MASP1: variants seen among roughly 807,000 people sequenced by gnomAD.
MASP1 encodes the protein mannan-binding lectin serine protease 1.
MASP1 carries 59 observed loss-of-function variants against 77.1 expected under a neutral mutation model. That is an observed-to-expected ratio of 0.77 (90% CI 0.62 to 0.95). The LOEUF (loss-of-function observed/expected upper bound fraction) is 0.95. Among genes scored for constraint, MASP1 ranks in the 40% least tolerant of loss-of-function variants. The probability of loss-of-function intolerance (pLI) is 0.00; values close to 1 mark genes in which losing one functional copy is unlikely to be tolerated. For synonymous variants in MASP1, 362 were observed against 354.5 expected (o/e 1.02, Z -0.24); for missense variants, 885 against 912.9 (o/e 0.97, Z 0.39).
At chr3:187,250,873 G>A (rs1714515544) in intron 7 of MASP1, among the ~76,000 whole-genome samples, 1 of 152,228 alleles carries the variant, frequency 6.6e-6, no homozygotes, top group African/African-American at 2.4e-5. Context: ...TCAAGTGAGA[G>A]CTGGGAGGTG....
chr3:187,250,146 C>G, intron 8 of MASP1, 105 bp downstream of exon 8: 3 of 890,460 alleles, frequency 3.4e-6, no homozygotes, highest in South Asian at 1.3e-5. Flanking sequence ...GCTCCCATCC[C>G]CCTTAGAGTG....
At chr3:187,251,357 T>G in intron 7 of MASP1, 1 of 421,296 alleles carries the variant, frequency 2.4e-6, no homozygotes. Flanking sequence ...TCAGCCTTGA[T>G]TATAGAGCTG....
At chr3:187,268,122 C>T (rs568931880) in intron 2 of MASP1, among the ~76,000 whole-genome samples, 4 of 152,056 alleles carry the variant, frequency 2.6e-5, no homozygotes, top group Non-Finnish European at 5.9e-5. Flanking sequence ...TAAAACAGAC[C>T]ACTTGAATAA....
At chr3:187,241,397 T>A in intron 10 of MASP1, 84 bp downstream of exon 10, 1 of 1,061,920 alleles carries the variant, frequency 9.4e-7, no homozygotes, top group Non-Finnish European at 1.5e-6. Flanking sequence ...CTGTCCCCCA[T>A]CACCCTGTTA....
At chr3:187,222,140 A>G (rs754995421) in intron 14 of MASP1, among the ~76,000 whole-genome samples, 1 of 152,166 alleles carries the variant, frequency 6.6e-6, no homozygotes, top group Non-Finnish European at 1.5e-5. Context: ...CACCTGATTC[A>G]TCGTTCAGGT....
intron 13 of MASP1, among the ~76,000 whole-genome samples, chr3:187,223,722 A>G (rs1300276848): frequency 6.6e-6 from 1 of 152,190 alleles, no homozygotes; most frequent in East Asian, 1.9e-4. Flanking sequence ...GAAGTCTATG[A>G]AGTTGGTAAA....
At chr3:187,224,668 T>C (rs1193645018) in intron 13 of MASP1, among the ~76,000 whole-genome samples, 1 of 152,168 alleles carries the variant, frequency 6.6e-6, no homozygotes, top group Non-Finnish European at 1.5e-5. Context: ...TAAGCCATTG[T>C]CCCCCAGCTT....
chr3:187,225,450 T>C, exon 13 of MASP1: 1 of 1,613,396 alleles, frequency 6.2e-7, no homozygotes, highest in Non-Finnish European at 8.5e-7. Flanking sequence ...GGGTGGAGAG[T>C]GGTGTGTTTG....
rs766002258 is a variant in MASP1 at position 187,251,676 on chromosome 3, G to A, written c.969C>T (p.Asp323=). The A allele has an allele frequency of 2.2e-5, 35 of 1,614,086 alleles. No individual in the cohort carries two copies. The highest frequency in any genetic ancestry group is 2.8e-5 in the Non-Finnish European group (33 of 1,180,044). The change falls in exon 7 of 11, where the codon GAC becomes GAT. Residue 323 remains aspartate, a synonymous_variant. Coordinates refer to ENST00000296280, the MANE Select transcript of MASP1 (RefSeq NM_139125.4). The stretch of plus-strand genomic sequence containing the variant: ...CTGTGTCACAGCTGACGAGCACTTG[G>A]TCTTTGAAGAAATACTTGGCTTGGG... ...EPSQAKYFFK[D]QVLVSCDTGY...
chr3:187,236,919 C>T (rs898069999), intron 10 of MASP1, among the ~76,000 whole-genome samples: 4 of 152,188 alleles, frequency 2.6e-5, no homozygotes, highest in African/African-American at 9.6e-5. Flanking sequence ...TTCTCCCCTT[C>T]CTTCTCTAGA....
At chr3:187,226,171 C>T (rs1712413419) in intron 12 of MASP1, 3 of 542,624 alleles carry the variant, frequency 5.5e-6, no homozygotes, top group Non-Finnish European at 6.6e-6. Context: ...TATCTAGAGG[C>T]CTCCTCATTT....
At chr3:187,232,377 G>C (rs1712820879), downstream of MASP1, among the ~76,000 whole-genome samples, 1 of 151,978 alleles carries the variant, frequency 6.6e-6, no homozygotes, top group South Asian at 2.1e-4. Context: ...CCCATGTGCT[G>C]ATGAACTTCA....
chr3:187,250,519 A>T (rs1048733069), intron 7 of MASP1, among the ~76,000 whole-genome samples, 190 bp from the exon 8 acceptor site: 4 of 151,848 alleles, frequency 2.6e-5, no homozygotes, highest in African/African-American at 9.7e-5. Flanking sequence ...TCCTTTTCAT[A>T]CTCTGGAGAG....
chr3:187,223,889 T>G (rs1712218617), intron 13 of MASP1, among the ~76,000 whole-genome samples: 1 of 152,164 alleles, frequency 6.6e-6, no homozygotes, highest in African/African-American at 2.4e-5. Context: ...CTCGGGTGAG[T>G]CACCTCACCC....
At chr3:187,289,717 C>T (rs987247776) in intron 1 of MASP1, among the ~76,000 whole-genome samples, 2 of 152,198 alleles carry the variant, frequency 1.3e-5, no homozygotes, top group African/African-American at 4.8e-5. Flanking sequence ...TAGAATAATA[C>T]ACTTGGCTGA....
rs763689088 is a variant in MASP1, at chr3:187,241,556, C to T, written c.1229-1G>A. ...CCTTGGGCAGAACAGGTATATATAC[C>T]TGGATTAGTGAAAGAGGTTAGGAGA... is the stretch of plus-strand genomic sequence containing the variant. On this transcript the variant is annotated splice_acceptor_variant, in intron 9 of 10. Transcript: ENST00000296280. LOFTEE classifies it high-confidence loss of function. 3 of 1,608,528 alleles carry T rather than the reference C, an allele frequency of 1.9e-6. No individual in the cohort carries two copies. The highest frequency in any genetic ancestry group is 2.6e-6 in the Non-Finnish European group (3 of 1,175,218).
intron 5 of MASP1, among the ~76,000 whole-genome samples, chr3:187,253,729 A>G (rs1714828367): frequency 6.6e-6 from 1 of 152,170 alleles, no homozygotes; most frequent in Non-Finnish European, 1.5e-5. Context: ...TCAGCAAACT[A>G]ACACAGGAGC....
At chr3:187,287,594 T>C (rs1717966123) in intron 1 of MASP1, among the ~76,000 whole-genome samples, 1 of 152,166 alleles carries the variant, frequency 6.6e-6, no homozygotes, top group Non-Finnish European at 1.5e-5. Flanking sequence ...AGAAGTAAAA[T>C]GGAGATTATA....
chr3:187,284,875 C>T (rs1717718747), intron 2 of MASP1, among the ~76,000 whole-genome samples: 1 of 152,208 alleles, frequency 6.6e-6, no homozygotes, highest in Admixed American at 6.5e-5. Flanking sequence ...TGTAAACTCA[C>T]TTCTCTGCTG....
Sources: gnomAD v4.1 joint callset for allele counts (sites outside exome capture counted in the v4.1 genomes callset) on GRCh38, gnomAD v4.1.1 for gene constraint, MANE v1.5 for transcripts, NCBI Gene and HGNC (gene_info 2026-07-23, HGNC 2026-07-21) for gene names.